The following PPP1R7 variants were observed in gnomAD, a reference collection of about 807,000 sequenced individuals.
PPP1R7 encodes the protein protein phosphatase 1 regulatory subunit 22.
A neutral mutation model predicts 45.2 loss-of-function variants in PPP1R7; 18 were observed. The ratio of observed to expected loss-of-function variants is 0.40; its 90% confidence interval spans 0.28 to 0.59. The LOEUF is 0.59. Among genes scored for constraint, PPP1R7 ranks in the 20% least tolerant of loss-of-function variants. The probability of loss-of-function intolerance (pLI) is 0.46; values close to 1 mark genes in which losing one functional copy is unlikely to be tolerated. For missense variants in PPP1R7, 314 were observed against 455.8 expected (o/e 0.69, Z 2.83); for synonymous variants, 181 against 183.4 (o/e 0.99, Z 0.11).
At chr2:241,149,787 T>G (rs2067198618), upstream of PPP1R7, 3 of 1,535,118 alleles carry the variant, frequency 2.0e-6, no homozygotes, top group Non-Finnish European at 1.7e-6. Flanking sequence ...ATGGGCCGGG[T>G]GGCTCCGCAG....
intron 9 of PPP1R7, among the ~76,000 whole-genome samples, chr2:241,178,907 T>A (rs963545453): frequency 1.3e-5 from 2 of 151,456 alleles, no homozygotes; most frequent in African/African-American, 2.4e-5. Flanking sequence ...GATTTTTACA[T>A]TCTACCAGTT....
chr2:241,183,457 T>G lies in PPP1R7; in HGVS notation c.*634T>G. On this transcript the variant is annotated 3_prime_UTR_variant, in exon 10 of 10. Coordinates refer to ENST00000234038, the MANE Select transcript of PPP1R7 (RefSeq NM_002712.3). ...CAGTTCTCGCCACATCCCTTGCCTG[T>G]GGGTGAAAGCTCAGGTGTGGGGAGG... 2.1e-6 allele frequency: 1 copy of G among 471,144 alleles called. No homozygotes were observed. Among genetic ancestry groups the G allele is most frequent in the Non-Finnish European group, 4.4e-6 (1 of 227,040 alleles). The allele number at this position is 471,144 out of a possible 1,614,324, so 29.2% of individuals were successfully genotyped here.
At chr2:241,164,333 A>G (rs2067660904) in intron 7 of PPP1R7, among the ~76,000 whole-genome samples, 2 of 152,228 alleles carry the variant, frequency 1.3e-5, no homozygotes, top group Admixed American at 1.3e-4. Flanking sequence ...CTCAATGGTA[A>G]AAGCAATTCC....
chr2:241,154,606 G>A (rs1247434933), intron 2 of PPP1R7, among the ~76,000 whole-genome samples: 1 of 152,228 alleles, frequency 6.6e-6, no homozygotes, highest in Non-Finnish European at 1.5e-5. Flanking sequence ...TCAGGAGGCT[G>A]AGGCAGGAGA....
intron 1 of PPP1R7, chr2:241,151,552 G>A: frequency 2.1e-6 from 1 of 471,238 alleles, no homozygotes; most frequent in South Asian, 1.5e-5. Context: ...GCTGTCAAAA[G>A]GTGTGGAGGA....
chr2:241,163,161 T>A (rs574816625), intron 6 of PPP1R7, 124 bp from the exon 7 acceptor site: 1 of 667,200 alleles, frequency 1.5e-6, no homozygotes, highest in East Asian at 2.5e-5. Flanking sequence ...TCTTAGCAGA[T>A]ACGTCACTAG....
At chr2:241,157,722 C>T (rs1166574682) in intron 2 of PPP1R7, 85 bp from the exon 3 acceptor site, 4 of 1,357,176 alleles carry the variant, frequency 2.9e-6, no homozygotes, top group Non-Finnish European at 4.1e-6. Context: ...CACCAAACAG[C>T]CCCAGACCTC....
upstream of PPP1R7, chr2:241,150,312 G>C: frequency 6.7e-6 from 9 of 1,335,488 alleles, no homozygotes; most frequent in Non-Finnish European, 8.6e-6. Flanking sequence ...CTGCTCTGGG[G>C]GAGGCGCGGC....
chr2:241,163,841 T>C (rs1238351729), intron 7 of PPP1R7, among the ~76,000 whole-genome samples: 1 of 152,146 alleles, frequency 6.6e-6, no homozygotes, highest in Non-Finnish European at 1.5e-5. Flanking sequence ...TCTTGAACTC[T>C]TGACCTCAAG....
intron 1 of PPP1R7, among the ~76,000 whole-genome samples, chr2:241,151,289 G>A (rs1442569161): frequency 6.6e-6 from 1 of 152,198 alleles, no homozygotes; most frequent in Non-Finnish European, 1.5e-5. Context: ...GTACTTTTGG[G>A]TCCCATGGTT....
intron 4 of PPP1R7, chr2:241,158,856 T>C (rs2125486831): frequency 2.3e-6 from 1 of 440,200 alleles, no homozygotes; most frequent in Non-Finnish European, 4.2e-6. Context: ...CAGTCCTCCG[T>C]GCCTCTCATT....
Position 241,151,512 on chromosome 2 carries a change from G to A in PPP1R7, c.52+965G>A, listed in dbSNP as rs1371431984. On this transcript the variant is annotated intron_variant, in intron 1 of 9. Transcript: ENST00000234038. Reference sequence around the variant, plus strand: ...AGGTTGGGGATAGGGTGAGGGAAAAGAGCAAGAATCACTCAAGACGGAGAA... The same window carrying A: ...AGGTTGGGGATAGGGTGAGGGAAAAAAGCAAGAATCACTCAAGACGGAGAA... 8.5e-6 allele frequency: 4 copies of A among 471,238 alleles called. No homozygotes were observed. In the Admixed American group the frequency reaches 9.4e-5, roughly 11 times the overall value. The allele number at this position is 471,238 out of a possible 1,614,324, so 29.2% of individuals were successfully genotyped here.
chr2:241,158,135 C>T (rs529174526), intron 3 of PPP1R7, among the ~76,000 whole-genome samples: 1 of 152,332 alleles, frequency 6.6e-6, no homozygotes, highest in African/African-American at 2.4e-5. Flanking sequence ...TGGCCCCAGG[C>T]TGTGTATGAC....
At chr2:241,179,899 G>A (rs1215647292) in intron 9 of PPP1R7, among the ~76,000 whole-genome samples, 1 of 152,242 alleles carries the variant, frequency 6.6e-6, no homozygotes, top group East Asian at 1.9e-4. Context: ...TTGGTGGTGA[G>A]TAGAATTCCC....
In PPP1R7 at chr2:241,163,322, G is replaced by C. The variant is rs2067636067; in HGVS notation, c.635G>C (p.Ser212Thr). The C allele has an allele frequency of 6.2e-7, 1 of 1,613,804 alleles. No homozygotes were observed. Among genetic ancestry groups the C allele is most frequent in the Admixed American group, 1.7e-5 (1 of 59,996 alleles). Residue 212 changes from serine (S) to threonine (T), a missense_variant, in exon 7 of 10, where the codon AGT becomes ACT. Ser to Thr is a moderately conservative substitution (Grantham distance 58, BLOSUM62 1). Coordinates refer to ENST00000234038, the MANE Select transcript of PPP1R7 (RefSeq NM_002712.3). Reference sequence around the variant, plus strand: ...ATCGACACCTTAACCAACCTGGAGAGTTTGTTTTTGGGGAAAAACAAAATT... The same window carrying C: ...ATCGACACCTTAACCAACCTGGAGACTTTGTTTTTGGGGAAAAACAAAATT... ...ENIDTLTNLESLFLGKNKITK... is the reference protein window; with the variant it reads ...ENIDTLTNLETLFLGKNKITK...
intron 9 of PPP1R7, among the ~76,000 whole-genome samples, chr2:241,182,140 A>C (rs992832300): frequency 6.6e-6 from 1 of 152,222 alleles, no homozygotes; most frequent in African/African-American, 2.4e-5. Context: ...GTGTCCCTGC[A>C]CTTGGTATTG....
At position 241,183,024 on chromosome 2, in the gene PPP1R7, C is replaced by T. The variant is rs891423013; in HGVS notation, c.*201C>T. On this transcript the variant is annotated 3_prime_UTR_variant, in exon 10 of 10. Coordinates refer to ENST00000234038, the MANE Select transcript of PPP1R7 (RefSeq NM_002712.3). ...TTGCAATTAAATCTTGCCACACTGT[C>T]CTCCTGGGTGATTGTTGACAGTTAT... 3 of 607,020 alleles carry T rather than the reference C, an allele frequency of 4.9e-6. No individual in the cohort carries two copies. The highest frequency in any genetic ancestry group is 1.8e-5 in the African/African-American group (1 of 54,058). The allele number at this position is 607,020 out of a possible 1,614,324, so 37.6% of individuals were successfully genotyped here. A position where few individuals can be genotyped will look rare whatever the true frequency, so the allele number is the denominator to read the frequency against.
intron 9 of PPP1R7, among the ~76,000 whole-genome samples, chr2:241,181,578 C>G (rs1574740527): frequency 6.6e-6 from 1 of 152,016 alleles, no homozygotes; most frequent in East Asian, 1.9e-4. Flanking sequence ...CTGTGCAGAG[C>G]AGAGGTCCAG....
chr2:241,166,824 G>A (rs1419189455), intron 8 of PPP1R7, among the ~76,000 whole-genome samples: 1 of 152,172 alleles, frequency 6.6e-6, no homozygotes, highest in Admixed American at 6.5e-5. Context: ...CTGTATGAGG[G>A]TGACTGGCAT....
Sources: allele counts gnomAD v4.1 joint callset (sites outside exome capture counted in the v4.1 genomes callset), GRCh38; gene constraint gnomAD v4.1.1; transcripts MANE v1.5; gene names NCBI Gene and HGNC (gene_info 2026-07-23, HGNC 2026-07-21).